KCNAB1: variants seen among roughly 807,000 people sequenced by gnomAD.
KCNAB1 encodes voltage-gated potassium channel subunit beta-1.
KCNAB1 carries 35 observed loss-of-function variants against 64.6 expected under a neutral mutation model. The ratio of observed to expected loss-of-function variants is 0.54; its 90% CI spans 0.41 to 0.72. The LOEUF is 0.72. Among genes scored for constraint, KCNAB1 ranks in the 30% least tolerant of loss-of-function variants. KCNAB1 has a pLI of 0.00. For missense variants in KCNAB1, 401 were observed against 512.9 expected (o/e 0.78, Z 2.11); for synonymous variants, 177 against 183.8 (o/e 0.96, Z 0.30).
upstream of KCNAB1, among the ~76,000 whole-genome samples, chr3:156,119,090 A>G (rs1212782103): frequency 2.6e-5 from 4 of 152,326 alleles, no homozygotes; most frequent in East Asian, 7.7e-4. Flanking sequence ...AATATCAAAC[A>G]GGTTTCACCC....
At chr3:156,297,717 A>G (rs1373413344) in intron 1 of KCNAB1, among the ~76,000 whole-genome samples, 2 of 152,088 alleles carry the variant, frequency 1.3e-5, no homozygotes, top group East Asian at 1.9e-4. Context: ...ATTCAACTGA[A>G]AGATCAATCT....
At chr3:156,463,036 G>A (rs550233977) in intron 5 of KCNAB1, among the ~76,000 whole-genome samples, 1 of 152,254 alleles carries the variant, frequency 6.6e-6, no homozygotes, top group East Asian at 1.9e-4. Context: ...CTTTAGGACT[G>A]TTTTCCTAAA....
At chr3:156,528,664 T>C (rs1261354461) in intron 12 of KCNAB1, among the ~76,000 whole-genome samples, 1 of 152,040 alleles carries the variant, frequency 6.6e-6, no homozygotes, top group Non-Finnish European at 1.5e-5. Context: ...CAAAAGGACA[T>C]TCCAGGCAAA....
chr3:156,389,200 C>A (rs1048256411), intron 1 of KCNAB1, among the ~76,000 whole-genome samples: 8 of 152,182 alleles, frequency 5.3e-5, no homozygotes, highest in Non-Finnish European at 1.0e-4. Context: ...TGTCCTCTCC[C>A]TTGCCTGGTC....
intron 8 of KCNAB1, among the ~76,000 whole-genome samples, chr3:156,487,232 GC>G (rs1559911068): frequency 6.6e-6 from 1 of 151,964 alleles, no homozygotes; most frequent in African/African-American, 2.4e-5. Flanking sequence ...AAAGCACTTG[GC>G]CCCCTGTATA....
chr3:156,419,035 T>A (rs1715285139), intron 1 of KCNAB1, among the ~76,000 whole-genome samples: 1 of 152,210 alleles, frequency 6.6e-6, no homozygotes, highest in African/African-American at 2.4e-5. Flanking sequence ...CTTGCTAGTT[T>A]GCAGTTTGTT....
chr3:156,521,220 C>T (rs1431501198), intron 11 of KCNAB1, among the ~76,000 whole-genome samples: 2 of 152,274 alleles, frequency 1.3e-5, no homozygotes, highest in African/African-American at 4.8e-5. Flanking sequence ...TCTCAACCCT[C>T]AAGGAGTAGC....
chr3:156,150,128 A>G (rs907151890), intron 1 of KCNAB1, among the ~76,000 whole-genome samples: 1 of 152,184 alleles, frequency 6.6e-6, no homozygotes, highest in Non-Finnish European at 1.5e-5. Flanking sequence ...AGTAGATGAC[A>G]CCAAGATGGC....
At chr3:156,509,865 G>C (rs1038224563) in intron 8 of KCNAB1, among the ~76,000 whole-genome samples, 2 of 152,196 alleles carry the variant, frequency 1.3e-5, no homozygotes, top group Non-Finnish European at 2.9e-5. Flanking sequence ...GTATCTAGAA[G>C]ACAGTTGATT....
At chr3:156,284,760 T>C (rs1419977342) in intron 1 of KCNAB1, among the ~76,000 whole-genome samples, 4 of 152,304 alleles carry the variant, frequency 2.6e-5, no homozygotes, top group East Asian at 1.9e-4. Flanking sequence ...TTTCTTTGAC[T>C]CAGAAAGGGA....
intron 8 of KCNAB1, 112 bp from the exon 9 acceptor site, chr3:156,514,252 A>G (rs1230492905): frequency 6.7e-6 from 5 of 745,068 alleles, no homozygotes; most frequent in Non-Finnish European, 9.3e-6. Flanking sequence ...TAATTTTATT[A>G]ATCAAACAAA....
intron 12 of KCNAB1, among the ~76,000 whole-genome samples, chr3:156,527,310 G>A: frequency 6.6e-6 from 1 of 152,114 alleles, no homozygotes; most frequent in Non-Finnish European, 1.5e-5. Flanking sequence ...CAAACTAGTT[G>A]AGTAAAGGGA....
intron 1 of KCNAB1, among the ~76,000 whole-genome samples, chr3:156,206,821 A>T (rs1714693732): frequency 1.3e-5 from 2 of 152,142 alleles, no homozygotes; most frequent in African/African-American, 4.8e-5. Flanking sequence ...ATATTTTTAG[A>T]TTTCAATCCT....
intron 1 of KCNAB1, among the ~76,000 whole-genome samples, chr3:156,129,489 A>G (rs1337745487): frequency 6.6e-6 from 1 of 152,214 alleles, no homozygotes; most frequent in Non-Finnish European, 1.5e-5. Context: ...CCACAGATAT[A>G]TAAACTGGGG....
intron 1 of KCNAB1, among the ~76,000 whole-genome samples, chr3:156,296,937 C>G (rs982447966): frequency 1.3e-5 from 2 of 152,098 alleles, no homozygotes; most frequent in East Asian, 3.9e-4. Flanking sequence ...GATAGCAAAA[C>G]CAGGAAATTG....
chr3:156,260,605 A>G lies in KCNAB1; in HGVS notation c.275+139719A>G, dbSNP rs1417548339. Among the ~76,000 whole-genome samples, 3 of 152,188 alleles carry G rather than the reference A, an allele frequency of 2.0e-5. No homozygotes were observed. The East Asian group carries it at 5.8e-4, about 29-fold the overall frequency. On this transcript the variant is annotated intron_variant, in intron 1 of 13. Coordinates refer to ENST00000490337, the MANE Select transcript of KCNAB1 (RefSeq NM_172160.3). ...ATGTAGTTGCATGTATCAGCAGTTC[A>G]TTCCTTTTAATCCTGAATAGAGTTC...
intron 1 of KCNAB1, chr3:156,291,792 G>A: frequency 6.5e-7 from 1 of 1,537,322 alleles, no homozygotes; most frequent in Admixed American, 1.9e-5. Context: ...GCATCCCCAG[G>A]AAGGGGGAGC....
At chr3:156,223,909 C>T (rs1045521196) in intron 1 of KCNAB1, among the ~76,000 whole-genome samples, 5 of 152,368 alleles carry the variant, frequency 3.3e-5, no homozygotes, top group South Asian at 2.1e-4. Context: ...GCCATGTGCC[C>T]GCACTCCTCA....
chr3:156,273,560 C>A (rs1051563398), intron 1 of KCNAB1: 1 of 456,604 alleles, frequency 2.2e-6, no homozygotes, highest in Admixed American at 2.3e-5. Context: ...CACACAGATG[C>A]TCTTTCCATG....
Sources: gnomAD v4.1 joint callset for allele counts (sites outside exome capture counted in the v4.1 genomes callset) on GRCh38, gnomAD v4.1.1 for gene constraint, MANE v1.5 for transcripts, NCBI Gene and HGNC (gene_info 2026-07-23, HGNC 2026-07-21) for gene names.